Variants in DHRS7B observed in about 807,000 individuals in gnomAD.
DHRS7B encodes the protein peroxisomal reductase activating PPAR-gamma.
A neutral mutation model predicts 26.4 loss-of-function variants in DHRS7B; 24 were observed. The observed-to-expected ratio is 0.91, with a 90% CI of 0.66 to 1.28. The LOEUF (loss-of-function observed/expected upper bound fraction) is 1.28, where lower values mean the gene tolerates loss of function less well. Among genes scored for constraint, DHRS7B ranks in the 50% most tolerant of loss-of-function variants. DHRS7B has a pLI of 0.00. For missense variants in DHRS7B, 368 were observed against 419.4 expected (o/e 0.88, Z 1.07); for synonymous variants, 142 against 166.4 (o/e 0.85, Z 1.13).
intron 1 of DHRS7B, among the ~76,000 whole-genome samples, chr17:21,143,196 G>A (rs1005466888): frequency 5.9e-5 from 9 of 152,130 alleles, no homozygotes; most frequent in Admixed American, 1.3e-4. Flanking sequence ...CAAAGTGCTG[G>A]GATTACAGGT....
chr17:21,177,819 G>C (rs1974418169), intron 2 of DHRS7B, among the ~76,000 whole-genome samples: 3 of 152,214 alleles, frequency 2.0e-5, no homozygotes, highest in Admixed American at 2.0e-4. Flanking sequence ...GCTGTGCCTG[G>C]GTAGTGCCAC....
intron 1 of DHRS7B, among the ~76,000 whole-genome samples, chr17:21,131,834 T>C (rs1292058868): frequency 6.6e-6 from 1 of 152,246 alleles, no homozygotes; most frequent in Non-Finnish European, 1.5e-5. Flanking sequence ...TTCCAGTTTA[T>C]ATGAGCAGCA....
intron 1 of DHRS7B, among the ~76,000 whole-genome samples, chr17:21,138,239 T>C (rs1186804638): frequency 4.0e-5 from 4 of 99,278 alleles, no homozygotes; most frequent in Non-Finnish European, 6.0e-5. Flanking sequence ...TTTTTTGAGA[T>C]GGAGTCTCTC....
chr17:21,132,351 AT>A (rs1172666221), intron 1 of DHRS7B, among the ~76,000 whole-genome samples: 1,724 of 99,360 alleles, frequency 0.017, 22 homozygotes, highest in African/African-American at 0.05. Flanking sequence ...AAAAAAAAAT[AT>A]ATATATATAT....
Position 21,172,079 on chromosome 17 carries a change from C to T in DHRS7B, c.82C>T (p.Leu28=), listed in dbSNP as rs1567626312. 1 of 1,614,218 alleles carries T rather than the reference C, an allele frequency of 6.2e-7. No homozygotes were observed. The highest frequency in any genetic ancestry group is 8.5e-7 in the Non-Finnish European group (1 of 1,180,046). The change falls in exon 2 of 7, where the codon CTG becomes TTG. Residue 28 remains leucine, a synonymous_variant. Transcript: ENST00000395511. The part of the protein sequence containing the change: ...FITSTAILPL[L]FGCLGVFGLF... ...CACCTCCACAGCCATCCTGCCCCTG[C>T]TGTTCGGCTGCCTGGGCGTCTTCGG...
At chr17:21,153,909 CTA>C (rs1236551925) in intron 1 of DHRS7B, among the ~76,000 whole-genome samples, 1 of 151,986 alleles carries the variant, frequency 6.6e-6, no homozygotes, top group Non-Finnish European at 1.5e-5. Flanking sequence ...GGAAAAAAGA[CTA>C]TACAGACATT....
chr17:21,136,651 A>C (rs1973349936), intron 1 of DHRS7B, among the ~76,000 whole-genome samples: 1 of 152,098 alleles, frequency 6.6e-6, no homozygotes, highest in African/African-American at 2.4e-5. Flanking sequence ...TCCCAGGTTC[A>C]AGCGATTCAT....
At chr17:21,145,999 CTTCG>C (rs1973635236) in intron 1 of DHRS7B, among the ~76,000 whole-genome samples, 1 of 152,170 alleles carries the variant, frequency 6.6e-6, no homozygotes, top group Non-Finnish European at 1.5e-5. Context: ...TATCCATTTT[CTTCG>C]TTCGTTCTCT....
At chr17:21,171,173 A>G (rs1199595327) in intron 1 of DHRS7B, among the ~76,000 whole-genome samples, 1 of 152,124 alleles carries the variant, frequency 6.6e-6, no homozygotes, top group Non-Finnish European at 1.5e-5. Context: ...GCCTTCCTTT[A>G]ACCCTGTGTC....
At chr17:21,138,066 T>TTAAAA (rs71357468) in intron 1 of DHRS7B, among the ~76,000 whole-genome samples, 660 of 35,044 alleles carry the variant, frequency 0.019, 26 homozygotes, top group African/African-American at 0.067. Context: ...CGGCCTCTTT[T>TTAAAA]AAAAAAAAAA....
chr17:21,130,206 T>A (rs1008827544), intron 1 of DHRS7B, among the ~76,000 whole-genome samples: 4 of 152,170 alleles, frequency 2.6e-5, no homozygotes, highest in African/African-American at 9.7e-5. Context: ...GAGACCAGCC[T>A]GGCCAACATG....
intron 1 of DHRS7B, among the ~76,000 whole-genome samples, chr17:21,145,933 C>T (rs781164601): frequency 1.3e-5 from 2 of 152,124 alleles, no homozygotes; most frequent in African/African-American, 2.4e-5. Flanking sequence ...AATTGAGGAG[C>T]ATCTGTAGTT....
Position 21,184,650 on chromosome 17 carries a change from T to G in DHRS7B, c.619+187T>G, listed in dbSNP as rs3744225. On this transcript the variant is annotated intron_variant, in intron 5 of 6. Coordinates refer to ENST00000395511, the MANE Select transcript of DHRS7B (RefSeq NM_015510.5). ...AATCCCAGCTCTACTTTCTGTCCCCTGTGTGACCTTGGGCAAGTATCCCCA... is the reference window on the plus strand; with the variant it reads ...AATCCCAGCTCTACTTTCTGTCCCCGGTGTGACCTTGGGCAAGTATCCCCA... Among the ~76,000 whole-genome samples, 58,493 of 152,068 alleles carry G rather than the reference T, an allele frequency of 0.38. 12,731 individuals are homozygous for G. The highest frequency in any genetic ancestry group is 0.49 in the Non-Finnish European group (33,181 of 67,962).
chr17:21,184,247 C>G, intron 4 of DHRS7B, 124 bp from the exon 5 acceptor site: 1 of 822,974 alleles, frequency 1.2e-6, no homozygotes, highest in Non-Finnish European at 1.9e-6. Flanking sequence ...GTCCTCTACC[C>G]TAAGGGGTTT....
chr17:21,184,800 T>C (rs1448080417), intron 5 of DHRS7B, among the ~76,000 whole-genome samples: 1 of 152,208 alleles, frequency 6.6e-6, no homozygotes, highest in African/African-American at 2.4e-5. Flanking sequence ...TAGCCACTCC[T>C]ACTGTTAAGA....
At chr17:21,160,271 C>T (rs1973972421) in intron 1 of DHRS7B, among the ~76,000 whole-genome samples, 1 of 152,092 alleles carries the variant, frequency 6.6e-6, no homozygotes, top group African/African-American at 2.4e-5. Flanking sequence ...GCAGGAGAAT[C>T]GCTTGAACCC....
At chr17:21,161,924 G>A (rs989402808) in intron 1 of DHRS7B, among the ~76,000 whole-genome samples, 11 of 151,920 alleles carry the variant, frequency 7.2e-5, no homozygotes, top group African/African-American at 2.7e-4. Flanking sequence ...TGTACTAAAC[G>A]TTTTCAGGAG....
At chr17:21,187,156 A>G (rs1974655865) in intron 5 of DHRS7B, among the ~76,000 whole-genome samples, 1 of 150,704 alleles carries the variant, frequency 6.6e-6, no homozygotes, top group African/African-American at 2.4e-5. Context: ...TACGTAGAAT[A>G]TATTTTTAAA....
chr17:21,138,310 G>A (rs759629420), intron 1 of DHRS7B, among the ~76,000 whole-genome samples: 5 of 130,548 alleles, frequency 3.8e-5, no homozygotes, highest in East Asian at 2.5e-4. Flanking sequence ...TCCAAGCTCC[G>A]CCTCCCGGGT....
Sources: gnomAD v4.1 joint callset for allele counts (sites outside exome capture counted in the v4.1 genomes callset) on GRCh38, gnomAD v4.1.1 for gene constraint, MANE v1.5 for transcripts, NCBI Gene and HGNC (gene_info 2026-07-23, HGNC 2026-07-21) for gene names.